The following SLC27A5 variants were observed in gnomAD, a reference collection of about 807,000 sequenced individuals.
SLC27A5 encodes the protein solute carrier family 27 member 5, also known as long-chain fatty acid transport protein 5.
In SLC27A5, 47 loss-of-function variants were observed where a neutral mutation model predicts 63.1. The observed-to-expected ratio is 0.74, with a 90% CI of 0.59 to 0.95. The LOEUF (loss-of-function observed/expected upper bound fraction) is 0.95, where lower values mean the gene tolerates loss of function less well. Among genes scored for constraint, SLC27A5 ranks in the 40% least tolerant of loss-of-function variants. SLC27A5 has a pLI of 0.00. For synonymous variants in SLC27A5, 391 were observed against 403.8 expected, an observed-to-expected ratio of 0.97 and a Z score of 0.38; for missense variants, 940 against 921.0, an observed-to-expected ratio of 1.02 and a Z score of -0.27.
rs1369012308 is a variant in SLC27A5, at chr19:58,499,541, C to T, written c.1618G>A (p.Asp540Asn). The T allele has an allele frequency of 1.2e-6, 2 of 1,613,162 alleles. No individual in the cohort carries two copies. Among genetic ancestry groups the T allele is most frequent in the African/African-American group, 1.3e-5 (1 of 75,028 alleles). Residue 540 changes from aspartate to asparagine, a missense_variant, in exon 7 of 10, where the codon GAC becomes AAC. By Grantham distance (23) the Asp-to-Asn change is conservative (BLOSUM62 1). Transcript: ENST00000263093. ...YYNTGDVLAM[D>N]REGFLYFRDR... The stretch of plus-strand genomic sequence containing the variant: ...CGGAAGTAGAGGAAGCCTTCGCGGT[C>T]CATGGCCAGTACGTCCCCGGTGTTG...
intron 4 of SLC27A5, chr19:58,500,913 C>G: frequency 7.1e-7 from 1 of 1,399,240 alleles, no homozygotes; most frequent in South Asian, 1.7e-5. Context: ...CAGGGGCGAC[C>G]TCAGAGCTTT....
chr19:58,500,255 G>A, intron 6 of SLC27A5, 84 bp downstream of exon 6: 1 of 1,192,924 alleles, frequency 8.4e-7, no homozygotes, highest in Non-Finnish European at 1.2e-6. Context: ...CCAACGTCAA[G>A]CTTTTGAGCA....
chr19:58,511,620 C>CTT lies in SLC27A5; in HGVS notation c.335_336insAA (p.Pro113SerfsTer6). ...CGAAGGCATCTACAAAGGTGTCAGG[C>CTT]GGCTGCCGGCTCAAGCATCCCCTGA... On this transcript the variant is annotated frameshift_variant, in exon 1 of 10. Coordinates refer to ENST00000263093, the MANE Select transcript of SLC27A5 (RefSeq NM_012254.3). LOFTEE classifies it high-confidence loss of function. 1 of 1,595,268 alleles carries CTT rather than the reference C, an allele frequency of 6.3e-7. No homozygotes were observed. Among genetic ancestry groups the CTT allele is most frequent in the South Asian group, 1.1e-5 (1 of 88,746 alleles).
At position 58,499,553 on chromosome 19, in the gene SLC27A5, C is replaced by A. The variant is rs751110550; in HGVS notation, c.1606G>T (p.Val536Leu). 1 of 1,613,072 alleles carries A rather than the reference C, an allele frequency of 6.2e-7. No individual in the cohort carries two copies. The highest frequency in any genetic ancestry group is 1.7e-5 in the Admixed American group (1 of 59,980). Residue 536 changes from valine (V) to leucine (L), a missense_variant, in exon 7 of 10, where the codon GTA (valine) becomes TTA (leucine). Coordinates refer to ENST00000263093, the MANE Select transcript of SLC27A5 (RefSeq NM_012254.3). Reference sequence around the variant, plus strand: ...AAGCCTTCGCGGTCCATGGCCAGTACGTCCCCGGTGTTGTAGTAAACGTCG... The same window carrying A: ...AAGCCTTCGCGGTCCATGGCCAGTAAGTCCCCGGTGTTGTAGTAAACGTCG... ...SGDVYYNTGD[V>L]LAMDREGFLY... is the part of the protein sequence containing the mutation.
intron 4 of SLC27A5, 52 bp downstream of exon 4, chr19:58,501,234 T>C (rs537826514): frequency 1.3e-6 from 2 of 1,589,494 alleles, no homozygotes; most frequent in South Asian, 2.2e-5. Context: ...GACCTTTACC[T>C]GGGATTTCAT....
Position 58,511,647 on chromosome 19 carries a change from C to G in SLC27A5, c.309G>C (p.Lys103Asn), listed in dbSNP as rs956885811. ...GCTGCCGGCTCAAGCATCCCCTGATCTTCAGGCCCAGGTGGAGGATCTTGG... is the reference window on the plus strand; with the variant it reads ...GCTGCCGGCTCAAGCATCCCCTGATGTTCAGGCCCAGGTGGAGGATCTTGG... ...FLAKILHLGL[K>N]IRGCLSRQPP... The change falls in exon 1 of 10, where the codon AAG becomes AAC. Residue 103 changes from lysine (K) to asparagine (N), a missense_variant. Physicochemically the swap from Lys to Asn is moderately conservative, Grantham distance 94 (BLOSUM62 0). Transcript: ENST00000263093. 1.2e-6 allele frequency: 2 copies of G among 1,601,044 alleles called. No homozygotes were observed. Among genetic ancestry groups the G allele is most frequent in the African/African-American group, 1.3e-5 (1 of 74,810 alleles).
At position 58,499,160 on chromosome 19, in the gene SLC27A5, G is replaced by C; in HGVS notation, c.1728C>G (p.Phe576Leu). The change falls in exon 8 of 10, where the codon TTC (phenylalanine) becomes TTG (leucine). Residue 576 changes from phenylalanine (F) to leucine (L), a missense_variant. Physicochemically the swap from Phe to Leu is conservative, Grantham distance 22. Transcript: ENST00000263093. ...CGCCATACACGTTAACCTGTTGCAA[G>C]AAGTCCACCTGCGACAACACGCCCT... Reference protein sequence around the residue: ...EVEGVLSQVDFLQQVNVYGVC... With the variant: ...EVEGVLSQVDLLQQVNVYGVC... 1 of 1,614,064 alleles carries C rather than the reference G, an allele frequency of 6.2e-7. No homozygotes were observed. Among genetic ancestry groups the C allele is most frequent in the Non-Finnish European group, 8.5e-7 (1 of 1,180,034 alleles).
At chr19:58,509,638 C>T in intron 3 of SLC27A5, 1 of 496,246 alleles carries the variant, frequency 2.0e-6, no homozygotes, top group Non-Finnish European at 3.6e-6. Context: ...GGTCTTGTCA[C>T]CTCCTGACCA....
intron 3 of SLC27A5, chr19:58,509,548 G>A: frequency 6.8e-6 from 2 of 293,186 alleles, no homozygotes; most frequent in Non-Finnish European, 1.3e-5. Flanking sequence ...TTGGGGCCAT[G>A]TCACAAATCT....
At chr19:58,504,598 GC>G in intron 3 of SLC27A5, among the ~76,000 whole-genome samples, 3 of 129,982 alleles carry the variant, frequency 2.3e-5, no homozygotes, top group Admixed American at 7.9e-5. Context: ...GGCGGGCGGG[GC>G]GGAGCTTGCG....
chr19:58,502,188 T>A (rs2053281452), intron 3 of SLC27A5, among the ~76,000 whole-genome samples: 1 of 143,260 alleles, frequency 7.0e-6, no homozygotes, highest in South Asian at 2.2e-4. Context: ...GGGTGAACAG[T>A]TAGAGTAGTG....
chr19:58,506,567 T>C (rs1217838715), intron 3 of SLC27A5, among the ~76,000 whole-genome samples: 3 of 151,404 alleles, frequency 2.0e-5, no homozygotes, highest in Non-Finnish European at 4.4e-5. Context: ...AACAGAGAAG[T>C]ATATGCGAAA....
chr19:58,511,073 G>C, intron 1 of SLC27A5, 143 bp from the exon 2 acceptor site: 1 of 910,928 alleles, frequency 1.1e-6, no homozygotes, highest in Non-Finnish European at 1.6e-6. Flanking sequence ...CCCATCATTA[G>C]TATTTTTGGT....
At position 58,511,579 on chromosome 19, in the gene SLC27A5, G is replaced by A. The variant is rs764941642; in HGVS notation, c.377C>T (p.Ala126Val). The A allele has an allele frequency of 2.7e-5, 43 of 1,568,880 alleles. No individual in the cohort carries two copies. The highest frequency in any genetic ancestry group is 1.9e-4 in the South Asian group (16 of 86,192). ...CACCAAGAGTGCCCTGCCAGGCTGCGCTCGTGCTCGCCGCTCGAAGGCATC... is the reference window on the plus strand; with the variant it reads ...CACCAAGAGTGCCCTGCCAGGCTGCACTCGTGCTCGCCGCTCGAAGGCATC... ...FVDAFERRARAQPGRALLVWT... is the reference protein window; with the variant it reads ...FVDAFERRARVQPGRALLVWT... Residue 126 changes from alanine (A) to valine (V), a missense_variant, in exon 1 of 10, where the codon GCG (alanine) becomes GTG (valine). Ala to Val is a moderately conservative substitution (Grantham distance 64). Coordinates refer to ENST00000263093, the MANE Select transcript of SLC27A5 (RefSeq NM_012254.3).
At chr19:58,504,550 G>A (rs1302901117) in intron 3 of SLC27A5, among the ~76,000 whole-genome samples, 2 of 128,938 alleles carry the variant, frequency 1.6e-5, no homozygotes, top group Admixed American at 8.6e-5. Context: ...TCAGGAGGCT[G>A]AGGCAGAAAA....
At chr19:58,506,220 C>T (rs1371774876) in intron 3 of SLC27A5, among the ~76,000 whole-genome samples, 1 of 151,826 alleles carries the variant, frequency 6.6e-6, no homozygotes, top group African/African-American at 2.4e-5. Context: ...AGGAACCACA[C>T]CTGGCCATGA....
chr19:58,511,791 C>A lies in SLC27A5; in HGVS notation c.165G>T (p.Trp55Cys), dbSNP rs768586217. ...LLGLAMLARP[W>C]LGPWVPHGLS... Reference sequence around the variant, plus strand: ...GCCCATGGGGCACCCAGGGGCCGAGCCAGGGCCGTGCTAACATGGCCAGCC... The same window carrying A: ...GCCCATGGGGCACCCAGGGGCCGAGACAGGGCCGTGCTAACATGGCCAGCC... The change falls in exon 1 of 10, where the codon TGG becomes TGT. Residue 55 changes from tryptophan to cysteine, a missense_variant. Physicochemically the swap from Trp to Cys is radical, Grantham distance 215. Coordinates refer to ENST00000263093, the MANE Select transcript of SLC27A5 (RefSeq NM_012254.3). 1 of 1,554,912 alleles carries A rather than the reference C, an allele frequency of 6.4e-7. No individual in the cohort carries two copies. Among genetic ancestry groups the A allele is most frequent in the Middle Eastern group, 2.1e-4 (1 of 4,856 alleles).
chr19:58,510,834 C>T lies in SLC27A5; in HGVS notation c.785G>A (p.Gly262Glu). ...TGCATCCAGGGCAGCCCCCAGAGCC[C>T]CCACCCCTGGTGTAGGGGAGGTATG... ...LSHTSPTPGV[G>E]ALGAALDAAP... Residue 262 changes from glycine (G) to glutamate (E), a missense_variant, in exon 2 of 10, where the codon GGG (glycine) becomes GAG (glutamate). Physicochemically the swap from Gly to Glu is moderately conservative, Grantham distance 98. Coordinates refer to ENST00000263093, the MANE Select transcript of SLC27A5 (RefSeq NM_012254.3). The T allele has an allele frequency of 6.2e-7, 1 of 1,613,318 alleles. No homozygotes were observed. The highest frequency in any genetic ancestry group is 2.2e-5 in the East Asian group (1 of 44,856).
In SLC27A5 at chr19:58,501,291, G is replaced by A. The variant is rs1568627959; in HGVS notation, c.1177C>T (p.Pro393Ser). 7 of 1,613,200 alleles carry A rather than the reference G, an allele frequency of 4.3e-6. No individual in the cohort carries two copies. The highest frequency in any genetic ancestry group is 5.9e-6 in the Non-Finnish European group (7 of 1,179,430). The change falls in exon 4 of 10, where the codon CCC becomes TCC. Residue 393 changes from proline to serine, a missense_variant. Coordinates refer to ENST00000263093, the MANE Select transcript of SLC27A5 (RefSeq NM_012254.3). ...CCCTAATCTTAGAGCCTCACCTGGG[G>A]AATGTTACACAAGTACCGCAGGAGC... ...GELLRYLCNI[P>S]QQPEDRTHTV... is the part of the protein sequence containing the mutation.
Sources: allele counts gnomAD v4.1 joint callset (sites outside exome capture counted in the v4.1 genomes callset), GRCh38; gene constraint gnomAD v4.1.1; transcripts MANE v1.5; gene names NCBI Gene and HGNC (gene_info 2026-07-23, HGNC 2026-07-21).